CEP63: variants seen among roughly 807,000 people sequenced by gnomAD.
CEP63 encodes centrosomal protein 63.
A neutral mutation model predicts 89.1 loss-of-function variants in CEP63; 84 were observed. The observed-to-expected ratio is 0.94, with a 90% CI of 0.79 to 1.13. The LOEUF is 1.13. Ranked by LOEUF, CEP63 falls within the 50% of genes most tolerant of loss-of-function variation. The pLI is 0.00. For missense variants in CEP63, 838 were observed against 813.3 expected, an observed-to-expected ratio of 1.03 and a Z score of -0.37; for synonymous variants, 267 against 272.5, an observed-to-expected ratio of 0.98 and a Z score of 0.20.
At chr3:134,762,269 G>A in the CEP63 span, among the ~76,000 whole-genome samples, 5 of 152,128 alleles carry the variant, frequency 3.3e-5, no homozygotes, top group Non-Finnish European at 5.9e-5. Flanking sequence ...AATGGGCTTC[G>A]CTGAGGGTGA....
the CEP63 span, among the ~76,000 whole-genome samples, chr3:134,687,293 A>G: frequency 3.3e-5 from 5 of 152,222 alleles, no homozygotes; most frequent in Non-Finnish European, 7.3e-5. Flanking sequence ...CTCAAAGGTT[A>G]CTACTACCCC....
chr3:134,539,692 TA>T (rs200883848), intron 6 of CEP63, among the ~76,000 whole-genome samples: 6 of 150,974 alleles, frequency 4.0e-5, no homozygotes, highest in Admixed American at 6.6e-5. Context: ...TACCCTCCAT[TA>T]AAAAAAAATC....
At chr3:134,741,664 C>A in the CEP63 span, among the ~76,000 whole-genome samples, 7 of 152,144 alleles carry the variant, frequency 4.6e-5, no homozygotes, top group African/African-American at 1.4e-4. Context: ...GAGGTTTATG[C>A]CTTTGCTGCA....
At chr3:134,601,451 T>C in the CEP63 span, among the ~76,000 whole-genome samples, 830 of 152,358 alleles carry the variant, frequency 5.4e-3, 9 homozygotes, top group Non-Finnish European at 6.2e-3. Context: ...CGGGGTCCAG[T>C]GAGTGACATG....
chr3:134,782,050 C>A, the CEP63 span, among the ~76,000 whole-genome samples: 1 of 152,088 alleles, frequency 6.6e-6, no homozygotes, highest in Non-Finnish European at 1.5e-5. Flanking sequence ...TGTCTCAAGT[C>A]CCTTTCTATT....
At chr3:134,777,696 C>T in the CEP63 span, among the ~76,000 whole-genome samples, 2 of 149,022 alleles carry the variant, frequency 1.3e-5, no homozygotes, top group Admixed American at 1.4e-4. Context: ...TCGCTGCAAC[C>T]TCCGCCTCTC....
the CEP63 span, among the ~76,000 whole-genome samples, chr3:134,704,529 C>G: frequency 7.2e-5 from 11 of 152,188 alleles, 1 homozygote; most frequent in African/African-American, 2.7e-4. Context: ...GGAAGCCATT[C>G]TTAGAAGTTT....
At chr3:134,652,548 G>A in the CEP63 span, among the ~76,000 whole-genome samples, 5 of 151,272 alleles carry the variant, frequency 3.3e-5, no homozygotes, top group Admixed American at 6.6e-5. Flanking sequence ...AGAGAGCTGA[G>A]GCCATAGACA....
chr3:134,487,648 T>C (rs1936073937), intron 1 of CEP63, among the ~76,000 whole-genome samples: 1 of 152,218 alleles, frequency 6.6e-6, no homozygotes, highest in East Asian at 1.9e-4. Context: ...CCGATCTTTA[T>C]GTTATTTTAG....
the CEP63 span, among the ~76,000 whole-genome samples, chr3:134,678,027 T>A: frequency 6.6e-6 from 1 of 152,058 alleles, no homozygotes; most frequent in African/African-American, 2.4e-5. Context: ...AGTATGCCAC[T>A]CCCTGCTCAA....
chr3:134,631,445 A>G, the CEP63 span, among the ~76,000 whole-genome samples: 1 of 152,188 alleles, frequency 6.6e-6, no homozygotes, highest in Non-Finnish European at 1.5e-5. Context: ...AGAGGGAGAG[A>G]AATGGTAAAT....
At chr3:134,578,642 G>T (rs1354009850), downstream of CEP63, among the ~76,000 whole-genome samples, 1 of 151,662 alleles carries the variant, frequency 6.6e-6, no homozygotes, top group East Asian at 2.0e-4. Flanking sequence ...CACTGTGATT[G>T]ATTTGCATTT....
chr3:134,672,367 C>G, the CEP63 span, among the ~76,000 whole-genome samples: 3 of 152,202 alleles, frequency 2.0e-5, no homozygotes, highest in Admixed American at 2.0e-4. Flanking sequence ...ACCATTGTTA[C>G]TTCTGGGTCT....
chr3:134,570,413 C>A lies in CEP63; in HGVS notation c.1330-4380C>A, dbSNP rs574834659. Reference sequence around the variant, plus strand: ...TCTTCTGCCAGATACCCTAAATCATCTCCCTCAAGTTCAAAATTCCACAAA... The same window carrying A: ...TCTTCTGCCAGATACCCTAAATCATATCCCTCAAGTTCAAAATTCCACAAA... On this transcript the variant is annotated intron_variant, in intron 11 of 11. Coordinates refer to the CEP63 transcript ENST00000354446. Among the ~76,000 whole-genome samples, 25 of 152,330 alleles carry A rather than the reference C, an allele frequency of 1.6e-4. No individual in the cohort carries two copies. In the South Asian group the frequency reaches 5.0e-3, roughly 30 times the overall value.
chr3:134,672,805 C>G, the CEP63 span, among the ~76,000 whole-genome samples: 1 of 152,262 alleles, frequency 6.6e-6, no homozygotes, highest in Admixed American at 6.5e-5. Context: ...CTTGCCCCAG[C>G]CCAAGCCTCC....
the CEP63 span, among the ~76,000 whole-genome samples, chr3:134,605,227 C>T: frequency 6.6e-6 from 1 of 152,102 alleles, no homozygotes; most frequent in African/African-American, 2.4e-5. Flanking sequence ...CCATGAGGAC[C>T]CACCTGCCTG....
chr3:134,654,384 T>C, the CEP63 span, among the ~76,000 whole-genome samples: 1 of 152,198 alleles, frequency 6.6e-6, no homozygotes, highest in Non-Finnish European at 1.5e-5. Context: ...GAGGCAAGTT[T>C]CTCTCTTCTC....
the CEP63 span, among the ~76,000 whole-genome samples, chr3:134,622,104 G>A: frequency 1.1e-4 from 17 of 152,204 alleles, no homozygotes; most frequent in African/African-American, 3.6e-4. Flanking sequence ...ACTCTTGTAC[G>A]ATGCTAGTGG....
At chr3:134,542,279 G>A (rs926992115) in intron 6 of CEP63, among the ~76,000 whole-genome samples, 11 of 152,052 alleles carry the variant, frequency 7.2e-5, no homozygotes, top group African/African-American at 2.7e-4. Context: ...TCCTTTTCCT[G>A]TCACAACTTT....
Sources: gnomAD v4.1 joint callset for allele counts (sites outside exome capture counted in the v4.1 genomes callset) on GRCh38, gnomAD v4.1.1 for gene constraint, MANE v1.5 for transcripts, NCBI Gene and HGNC (gene_info 2026-07-23, HGNC 2026-07-21) for gene names.